Variants in COL18A1 observed in about 807,000 individuals in gnomAD.
COL18A1 encodes collagen alpha-1(XVIII) chain.
COL18A1 carries 133 observed loss-of-function variants against 168.0 expected under a neutral mutation model. The ratio of observed to expected loss-of-function variants is 0.79; its 90% confidence interval spans 0.69 to 0.91. COL18A1 has a LOEUF of 0.91. Among genes scored for constraint, COL18A1 ranks in the 40% least tolerant of loss-of-function variants. The pLI is 0.00. For missense variants in COL18A1, 2,126 were observed against 1,925.4 expected (o/e 1.10, Z -1.95); for synonymous variants, 949 against 809.0 (o/e 1.17, Z -2.94).
At position 45,443,959 on chromosome 21, in the gene COL18A1, G is replaced by C. The variant is rs141748466; in HGVS notation, c.107-24283G>C. ...CTGTCCTCTTTTGGGTGGCCAGGAT[G>C]TCACAGGGCGAGTAGGTGTCTGGCC... On this transcript the variant is annotated intron_variant, in intron 2 of 41. Transcript: ENST00000651438. This position sits in a 1 kb window ranked among gnomAD's most constrained non-coding sequence, Gnocchi z 5.2. Among the ~76,000 whole-genome samples, 1 of 152,186 alleles carries C rather than the reference G, an allele frequency of 6.6e-6. No homozygotes were observed. The highest frequency in any genetic ancestry group is 1.5e-5 in the Non-Finnish European group (1 of 68,016).
chr21:45,408,161 C>T (rs1386168508), intron 2 of COL18A1: 1 of 152,258 alleles, frequency 6.6e-6, no homozygotes, highest in Non-Finnish European at 1.5e-5. Context: ...AGTGAACTGC[C>T]CTGCTCCAGA....
Position 45,513,081 on chromosome 21 carries a change from C to G in COL18A1, c.*683C>G, listed in dbSNP as rs1282797543. 6.5e-6 allele frequency: 1 copy of G among 154,720 alleles called. No homozygotes were observed. Among genetic ancestry groups the G allele is most frequent in the African/African-American group, 2.4e-5 (1 of 41,462 alleles). 9.6% of individuals were successfully genotyped at this position (154,720 alleles called of 1,614,324 possible). Reference sequence around the variant, plus strand: ...GCACAGCAGCCTGGGGCTGGCCTCCCAAATGAGCCATGAGATGATACATCC... The same window carrying G: ...GCACAGCAGCCTGGGGCTGGCCTCCGAAATGAGCCATGAGATGATACATCC... On this transcript the variant is annotated 3_prime_UTR_variant, in exon 42 of 42. Transcript: ENST00000651438.
intron 38 of COL18A1, 120 bp downstream of exon 38, chr21:45,507,713 C>T (rs1182046051): frequency 4.3e-6 from 4 of 927,298 alleles, no homozygotes; most frequent in African/African-American, 1.6e-5. Flanking sequence ...ACATGTGGCT[C>T]ACCATCAGCC....
At chr21:45,465,739 C>G (rs2145882025) in intron 2 of COL18A1, among the ~76,000 whole-genome samples, 1 of 152,226 alleles carries the variant, frequency 6.6e-6, no homozygotes, top group East Asian at 1.9e-4. Flanking sequence ...GACTCCAGGC[C>G]CTGTGCCCCG....
chr21:45,443,361 G>A lies in COL18A1; in HGVS notation c.107-24881G>A, dbSNP rs2034433180. ...TTCCATGAGAAAACCCAGTTAAGGA[G>A]CAACCTGGTAAACCCTTGAAAACCA... is the stretch of plus-strand genomic sequence containing the variant. On this transcript the variant is annotated intron_variant, in intron 2 of 41. Transcript: ENST00000651438. This position sits in a 1 kb window ranked among gnomAD's most constrained non-coding sequence, Gnocchi z 5.2. 6.6e-6 allele frequency among the ~76,000 whole-genome samples: 1 copy of A among 152,178 alleles called. No individual in the cohort carries two copies. The highest frequency in any genetic ancestry group is 2.1e-4 in the South Asian group (1 of 4,836).
chr21:45,496,372 G>A (rs535521109), intron 29 of COL18A1, 128 bp from the exon 30 acceptor site: 14 of 759,632 alleles, frequency 1.8e-5, no homozygotes, highest in East Asian at 5.0e-5. Context: ...CTGCATTCTC[G>A]GTTTTGCCTG....
In COL18A1 at chr21:45,479,902, G is replaced by T; in HGVS notation, c.1249G>T (p.Gly417Cys). 6.2e-7 allele frequency: 1 copy of T among 1,613,592 alleles called. No homozygotes were observed. The highest frequency in any genetic ancestry group is 8.5e-7 in the Non-Finnish European group (1 of 1,179,938). ...CGGGCCCCCGGATGTTGTGTTCCAG[G>T]GCGACACCGGGCCACAAGGCTTCCC... is the stretch of plus-strand genomic sequence containing the variant. The part of the protein sequence containing the change: ...PGDPGEDGKP[G>C]DTGPQGFPGT... The change falls in exon 10 of 42, where the codon GGC becomes TGC. Residue 417 changes from glycine (G) to cysteine (C), a missense_variant and splice_region_variant. Physicochemically the swap from Gly to Cys is radical, Grantham distance 159. Transcript: ENST00000651438.
At chr21:45,407,273 C>A (rs1314371597) in intron 2 of COL18A1, 1 of 152,268 alleles carries the variant, frequency 6.6e-6, no homozygotes, top group Non-Finnish European at 1.5e-5. Flanking sequence ...TAAAAAGCAC[C>A]CTTGAGAGTT....
At position 45,491,276 on chromosome 21, in the gene COL18A1, G is replaced by A. The variant is rs375408962; in HGVS notation, c.2119G>A (p.Gly707Arg). ...GCAGCCGGGCCTCCCTGGCCCCCCC[G>A]GACCCCCGGGACCTGTGGTCTACGT... is the stretch of plus-strand genomic sequence containing the variant. ...VGQPGLPGPPGPPGPVVYVSE... is the reference protein window; with the variant it reads ...VGQPGLPGPPRPPGPVVYVSE... Residue 707 changes from glycine to arginine, a missense_variant, in exon 22 of 42, where the codon GGA becomes AGA. Gly to Arg is a moderately radical substitution (Grantham distance 125). Transcript: ENST00000651438. 10 of 1,612,060 alleles carry A rather than the reference G, an allele frequency of 6.2e-6. No individual in the cohort carries two copies. The highest frequency in any genetic ancestry group is 7.6e-6 in the Non-Finnish European group (9 of 1,179,688).
rs1222622109 is a variant in COL18A1, at chr21:45,498,249, A to G, written c.2683+588A>G. 1 of 704,686 alleles carries G rather than the reference A, an allele frequency of 1.4e-6. No individual in the cohort carries two copies. The highest frequency in any genetic ancestry group is 2.6e-6 in the Non-Finnish European group (1 of 384,670). The allele number at this position is 704,686 out of a possible 1,614,324, so 43.7% of individuals were successfully genotyped here. ...GAGGATGTCTGGGGGCTGGCAGAGC[A>G]GAAGCCCAGAGAGCCAGGCTAGCCT... On this transcript the variant is annotated intron_variant, in intron 32 of 41. Transcript: ENST00000651438. The surrounding 1 kb of genome is among the most constrained non-coding windows in gnomAD (Gnocchi z 4.5).
intron 26 of COL18A1, 91 bp downstream of exon 26, chr21:45,493,666 C>G (rs2036436765): frequency 5.3e-6 from 5 of 945,402 alleles, no homozygotes; most frequent in African/African-American, 1.6e-5. Flanking sequence ...GGTCTGGCTC[C>G]TGATGCACGA....
chr21:45,510,188 C>T lies in COL18A1; in HGVS notation c.3620C>T (p.Ser1207Phe), dbSNP rs1085307837. The change falls in exon 40 of 42, where the codon TCC (serine) becomes TTC (phenylalanine). Residue 1207 changes from serine to phenylalanine, a missense_variant. Ser to Phe is a radical substitution (Grantham distance 155). Transcript: ENST00000651438. ...GCGGGCACCTTCCGCGCCTTCCTGT[C>T]CTCGCGCCTGCAGGACCTGTACAGC... Reference protein sequence around the residue: ...GLAGTFRAFLSSRLQDLYSIV... With the variant: ...GLAGTFRAFLFSRLQDLYSIV... The T allele has an allele frequency of 6.3e-7, 1 of 1,598,842 alleles. No individual in the cohort carries two copies. Among genetic ancestry groups the T allele is most frequent in the South Asian group, 1.1e-5 (1 of 89,030 alleles).
intron 2 of COL18A1, among the ~76,000 whole-genome samples, chr21:45,454,848 G>C (rs756157923): frequency 3.0e-4 from 45 of 152,324 alleles, no homozygotes; most frequent in Non-Finnish European, 6.2e-4. Context: ...TCCTGCCCTG[G>C]TCCCGGGCTC....
At position 45,492,669 on chromosome 21, in the gene COL18A1, C is replaced by T; in HGVS notation, c.2188-18C>T. On this transcript the variant is annotated intron_variant, in intron 23 of 41. Coordinates refer to ENST00000651438, the MANE Select transcript of COL18A1 (RefSeq NM_001379500.1). ...GGGTGCGTGATGACCCCAGCTGACG[C>T]CGTCCCTCTTTCCCCAGGGCCGGCC... 1 of 1,611,698 alleles carries T rather than the reference C, an allele frequency of 6.2e-7. No homozygotes were observed. The highest frequency in any genetic ancestry group is 8.5e-7 in the Non-Finnish European group (1 of 1,179,340).
chr21:45,493,609 G>C (rs1229553076), intron 26 of COL18A1, 34 bp downstream of exon 26: 2 of 1,467,950 alleles, frequency 1.4e-6, no homozygotes, highest in Non-Finnish European at 1.9e-6. Flanking sequence ...CGGCAGGCGT[G>C]GGGGCTCCTG....
chr21:45,499,031 G>A (rs1005744699), intron 32 of COL18A1, among the ~76,000 whole-genome samples: 2 of 152,230 alleles, frequency 1.3e-5, no homozygotes, highest in African/African-American at 4.8e-5. Flanking sequence ...AATGGCTGAT[G>A]CTCTTCCAAA....
At chr21:45,439,297 G>A (rs1235213599) in intron 2 of COL18A1, among the ~76,000 whole-genome samples, 3 of 152,230 alleles carry the variant, frequency 2.0e-5, no homozygotes, top group Admixed American at 2.0e-4. Context: ...CCAGGGGCGC[G>A]GAGGGCGCAG....
At position 45,471,652 on chromosome 21, in the gene COL18A1, C is replaced by T. The variant is rs1164245272; in HGVS notation, c.652-2243C>T. ...GTTCACTTTCTTGAGTCAGGTTTGT[C>T]AGTGGTCGTCTCCCGGGAAATCATG... On this transcript the variant is annotated intron_variant, in intron 3 of 41. Coordinates refer to ENST00000651438, the MANE Select transcript of COL18A1 (RefSeq NM_001379500.1). This position sits in a 1 kb window ranked among gnomAD's most constrained non-coding sequence, Gnocchi z 4.4. Among the ~76,000 whole-genome samples the T allele has an allele frequency of 6.6e-6, 1 of 152,174 alleles. No homozygotes were observed. The highest frequency in any genetic ancestry group is 1.5e-5 in the Non-Finnish European group (1 of 68,042).
At chr21:45,491,590 C>T (rs1010973549) in intron 22 of COL18A1, among the ~76,000 whole-genome samples, 3 of 141,774 alleles carry the variant, frequency 2.1e-5, no homozygotes, top group African/African-American at 7.7e-5. Context: ...TGGGCTCACT[C>T]CCTGTGTCCT....
Sources: gnomAD v4.1 joint callset for allele counts (sites outside exome capture counted in the v4.1 genomes callset) on GRCh38, gnomAD v4.1.1 for gene constraint, Gnocchi (gnomAD v3.1) non-coding constraint, MANE v1.5 for transcripts, NCBI Gene and HGNC (gene_info 2026-07-23, HGNC 2026-07-21) for gene names.